The following SRD5A2 variants were observed in gnomAD, a reference collection of about 807,000 sequenced individuals.
The protein encoded by SRD5A2 is steroid 5 alpha-reductase 2, also known as 3-oxo-5-alpha-steroid 4-dehydrogenase 2.
In SRD5A2, 30 loss-of-function variants were observed where a neutral mutation model predicts 27.4. That is an observed-to-expected ratio of 1.10 (90% CI 0.82 to 1.49). The LOEUF (loss-of-function observed/expected upper bound fraction) is 1.49. Ranked by LOEUF, SRD5A2 falls within the 40% of genes most tolerant of loss-of-function variation. SRD5A2 has a pLI of 0.00. For missense variants in SRD5A2, 348 were observed against 323.4 expected, an observed-to-expected ratio of 1.08 and a Z score of -0.58; for synonymous variants, 141 against 133.6, an observed-to-expected ratio of 1.06 and a Z score of -0.38.
the SRD5A2 span, among the ~76,000 whole-genome samples, chr2:31,619,601 TG>T: frequency 3.3e-5 from 5 of 152,202 alleles, no homozygotes; most frequent in African/African-American, 1.2e-4. Context: ...CACCAGCATC[TG>T]TTTTTTTTGT....
chr2:31,643,924 T>A, the SRD5A2 span, among the ~76,000 whole-genome samples: 1 of 152,074 alleles, frequency 6.6e-6, no homozygotes, highest in Non-Finnish European at 1.5e-5. Flanking sequence ...AATTAGAAAA[T>A]CATCAATAGT....
At chr2:31,601,648 T>C in the SRD5A2 span, among the ~76,000 whole-genome samples, 1 of 152,054 alleles carries the variant, frequency 6.6e-6, no homozygotes, top group Non-Finnish European at 1.5e-5. Context: ...TGAGCACTGA[T>C]GCAAAACTCC....
the SRD5A2 span, among the ~76,000 whole-genome samples, chr2:31,661,599 A>G: frequency 8.8e-3 from 1,346 of 152,306 alleles, 14 homozygotes; most frequent in South Asian, 0.049. Context: ...TGTGTCAAAT[A>G]TTAAGATGTC....
At chr2:31,624,745 T>C in the SRD5A2 span, among the ~76,000 whole-genome samples, 1 of 152,194 alleles carries the variant, frequency 6.6e-6, no homozygotes, top group Non-Finnish European at 1.5e-5. Flanking sequence ...ATTTTCTTAA[T>C]CCAGTCTATC....
chr2:31,580,562 T>C lies in SRD5A2; in HGVS notation c.281+58A>G, dbSNP rs1439825522. 24 of 1,435,212 alleles carry C rather than the reference T, an allele frequency of 1.7e-5. No individual in the cohort carries two copies. In the East Asian group the frequency reaches 5.3e-4, roughly 32 times the overall value. The allele number at this position is 1,435,212 out of a possible 1,614,324, so 88.9% of individuals were successfully genotyped here. A position where few individuals can be genotyped will look rare whatever the true frequency, so the allele number is the denominator to read the frequency against. On this transcript the variant is annotated intron_variant, in intron 1 of 4. Coordinates refer to ENST00000622030, the MANE Select transcript of SRD5A2 (RefSeq NM_000348.4). ...CGGTGCGCGCTCCACGCTGCGCTCC[T>C]GGACGCCGGGAGCAGGGCAGTGCGC...
intron 1 of SRD5A2, among the ~76,000 whole-genome samples, chr2:31,548,959 G>C (rs1203538019): frequency 6.6e-6 from 1 of 151,914 alleles, no homozygotes; most frequent in Non-Finnish European, 1.5e-5. Context: ...TGTGCTAAGT[G>C]AAATAAGCCA....
the SRD5A2 span, among the ~76,000 whole-genome samples, chr2:31,641,612 T>C: frequency 6.6e-6 from 1 of 152,118 alleles, no homozygotes; most frequent in African/African-American, 2.4e-5. Context: ...TAAAAGGTAA[T>C]AGATTATGAA....
chr2:31,634,146 T>C, the SRD5A2 span, among the ~76,000 whole-genome samples: 6 of 110,320 alleles, frequency 5.4e-5, no homozygotes, highest in African/African-American at 2.3e-4. Flanking sequence ...CTCTATTAAA[T>C]CTTGCAACTG....
At chr2:31,537,134 G>T (rs1666043719) in intron 1 of SRD5A2, among the ~76,000 whole-genome samples, 1 of 152,116 alleles carries the variant, frequency 6.6e-6, no homozygotes, top group African/African-American at 2.4e-5. Flanking sequence ...AGATTATCAA[G>T]CCAATTGAAG....
rs1247425335 is a variant in SRD5A2, at chr2:31,525,233, T to C, written c.*963A>G. The C allele has an allele frequency of 1.8e-5, 4 of 222,494 alleles. No homozygotes were observed. The highest frequency in any genetic ancestry group is 2.7e-5 in the Non-Finnish European group (3 of 111,318). The allele number at this position is 222,494 out of a possible 1,614,324, so 13.8% of individuals were successfully genotyped here. On this transcript the variant is annotated 3_prime_UTR_variant, in exon 5 of 5. Coordinates refer to ENST00000622030, the MANE Select transcript of SRD5A2 (RefSeq NM_000348.4). The stretch of plus-strand genomic sequence containing the variant: ...AGAAGCTCCAGGAAAGGAAAGTTGC[T>C]TGGGGCTTCTGCTGTACTTCATATT...
At chr2:31,590,470 G>A in the SRD5A2 span, among the ~76,000 whole-genome samples, 1 of 152,204 alleles carries the variant, frequency 6.6e-6, no homozygotes, top group Admixed American at 6.5e-5. Flanking sequence ...ATGATGGGTA[G>A]GAAGAATCAG....
chr2:31,648,967 T>G, the SRD5A2 span, among the ~76,000 whole-genome samples: 3 of 152,302 alleles, frequency 2.0e-5, no homozygotes, highest in South Asian at 6.2e-4. Flanking sequence ...GGAAGCCTTA[T>G]AAGATGTGCT....
chr2:31,529,005 G>T (rs1478306627), intron 4 of SRD5A2, among the ~76,000 whole-genome samples: 1 of 152,178 alleles, frequency 6.6e-6, no homozygotes, highest in Non-Finnish European at 1.5e-5. Context: ...GGCACTTCTC[G>T]CTGGACAGCC....
the SRD5A2 span, among the ~76,000 whole-genome samples, chr2:31,657,927 A>T: frequency 1.3e-5 from 2 of 152,124 alleles, no homozygotes; most frequent in African/African-American, 4.8e-5. Context: ...ATACAAACAA[A>T]AATCATCTCT....
chr2:31,548,707 T>C (rs1419048531), intron 1 of SRD5A2, among the ~76,000 whole-genome samples: 1 of 152,158 alleles, frequency 6.6e-6, no homozygotes, highest in Non-Finnish European at 1.5e-5. Context: ...ATAGAATTAC[T>C]ACATGACATA....
At chr2:31,640,386 T>C in the SRD5A2 span, among the ~76,000 whole-genome samples, 1 of 152,110 alleles carries the variant, frequency 6.6e-6, no homozygotes, top group Non-Finnish European at 1.5e-5. Flanking sequence ...TGTGGTTCCT[T>C]GTTTGTTATT....
At chr2:31,610,275 CA>C in the SRD5A2 span, among the ~76,000 whole-genome samples, 1 of 151,488 alleles carries the variant, frequency 6.6e-6, no homozygotes, top group Non-Finnish European at 1.5e-5. Flanking sequence ...TCTCAACAAC[CA>C]AAAAAAAGCT....
intron 1 of SRD5A2, among the ~76,000 whole-genome samples, chr2:31,545,971 A>C (rs1666244235): frequency 6.6e-6 from 1 of 152,224 alleles, no homozygotes; most frequent in East Asian, 1.9e-4. Context: ...GATAGCATCA[A>C]AACAAATAAA....
chr2:31,624,692 C>T, the SRD5A2 span, among the ~76,000 whole-genome samples: 3 of 152,060 alleles, frequency 2.0e-5, no homozygotes, highest in East Asian at 5.8e-4. Context: ...TGAGCTCATC[C>T]TTTTTCATGG....
Sources: gnomAD v4.1 joint callset for allele counts (sites outside exome capture counted in the v4.1 genomes callset) on GRCh38, gnomAD v4.1.1 for gene constraint, MANE v1.5 for transcripts, NCBI Gene and HGNC (gene_info 2026-07-23, HGNC 2026-07-21) for gene names.